Variants in SLC24A2 observed in about 807,000 individuals in gnomAD.
The protein encoded by SLC24A2 is solute carrier family 24 member 2, also known as sodium/potassium/calcium exchanger 2.
In SLC24A2, 36 loss-of-function variants were observed where a neutral mutation model predicts 62.0. The observed-to-expected ratio is 0.58, with a 90% CI of 0.44 to 0.77. The LOEUF is 0.77. SLC24A2 is among the 30% of genes least tolerant of loss of function. The pLI is 0.00. For synonymous variants in SLC24A2, 358 were observed against 294.0 expected, an observed-to-expected ratio of 1.22 and a Z score of -2.23; for missense variants, 846 against 817.9, an observed-to-expected ratio of 1.03 and a Z score of -0.42.
At chr9:19,958,514 G>A in the SLC24A2 span, among the ~76,000 whole-genome samples, 1 of 152,178 alleles carries the variant, frequency 6.6e-6, no homozygotes, top group Non-Finnish European at 1.5e-5. Context: ...CTGTACTCCA[G>A]GCAGGTCTGA....
the SLC24A2 span, among the ~76,000 whole-genome samples, chr9:20,279,919 G>T: frequency 2.0e-5 from 3 of 152,302 alleles, no homozygotes; most frequent in African/African-American, 7.2e-5. Flanking sequence ...TATAAAATTT[G>T]TCAGTAAAAC....
chr9:20,146,039 A>G, the SLC24A2 span, among the ~76,000 whole-genome samples: 3 of 152,020 alleles, frequency 2.0e-5, no homozygotes, highest in African/African-American at 7.2e-5. Flanking sequence ...CAATCCCCCA[A>G]CTGATGAACA....
chr9:20,085,519 C>T, the SLC24A2 span, among the ~76,000 whole-genome samples: 3 of 152,118 alleles, frequency 2.0e-5, no homozygotes, highest in Non-Finnish European at 2.9e-5. Flanking sequence ...ACTATAATAG[C>T]GTTGTTTGAC....
chr9:19,879,553 G>C, the SLC24A2 span, among the ~76,000 whole-genome samples: 9 of 152,112 alleles, frequency 5.9e-5, no homozygotes, highest in Non-Finnish European at 1.2e-4. Context: ...TTACATATCT[G>C]AATAGTAATT....
chr9:19,756,107 G>A (rs913319229), intron 2 of SLC24A2, among the ~76,000 whole-genome samples: 1 of 152,172 alleles, frequency 6.6e-6, no homozygotes, highest in African/African-American at 2.4e-5. Context: ...TGCTTTGAGT[G>A]CCCTGTGTGT....
the SLC24A2 span, among the ~76,000 whole-genome samples, chr9:19,835,283 A>G: frequency 2.6e-5 from 4 of 152,224 alleles, no homozygotes; most frequent in South Asian, 8.3e-4. Context: ...AGACTGGCAA[A>G]TTGGATAAAG....
At chr9:19,642,978 C>T (rs1818545070) in intron 2 of SLC24A2, among the ~76,000 whole-genome samples, 3 of 135,116 alleles carry the variant, frequency 2.2e-5, no homozygotes, top group African/African-American at 8.5e-5. Context: ...CCGTGCCTGG[C>T]CAGTATTCTT....
the SLC24A2 span, among the ~76,000 whole-genome samples, chr9:19,960,629 A>T: frequency 6.6e-6 from 1 of 152,156 alleles, no homozygotes; most frequent in Non-Finnish European, 1.5e-5. Context: ...AAACATACAC[A>T]CCTACTCTAG....
the SLC24A2 span, among the ~76,000 whole-genome samples, chr9:20,262,725 G>T: frequency 6.6e-6 from 1 of 152,158 alleles, no homozygotes; most frequent in South Asian, 2.1e-4. Flanking sequence ...CTGCCATCTG[G>T]CTGCTTCCCC....
chr9:19,852,041 T>C, the SLC24A2 span, among the ~76,000 whole-genome samples: 1 of 152,202 alleles, frequency 6.6e-6, no homozygotes, highest in Non-Finnish European at 1.5e-5. Flanking sequence ...CATAAGATAG[T>C]ATCTCATTGT....
the SLC24A2 span, among the ~76,000 whole-genome samples, chr9:19,830,170 G>C: frequency 6.6e-6 from 1 of 152,056 alleles, no homozygotes; most frequent in African/African-American, 2.4e-5. Flanking sequence ...TTTGAGTAGA[G>C]CCCACTGACA....
At chr9:20,138,060 C>T in the SLC24A2 span, among the ~76,000 whole-genome samples, 63 of 152,234 alleles carry the variant, frequency 4.1e-4, 1 homozygote, top group South Asian at 0.012. Context: ...GGTCATTGCC[C>T]AGGTCCACTA....
chr9:19,612,543 A>G (rs1168829731), intron 4 of SLC24A2, among the ~76,000 whole-genome samples: 4 of 152,126 alleles, frequency 2.6e-5, no homozygotes, highest in African/African-American at 9.7e-5. Context: ...TCTTTCTACA[A>G]ATGAGGAGGT....
At chr9:19,952,582 A>G in the SLC24A2 span, among the ~76,000 whole-genome samples, 2 of 151,646 alleles carry the variant, frequency 1.3e-5, no homozygotes, top group Non-Finnish European at 2.9e-5. Flanking sequence ...CAAGATAATC[A>G]CATATTTTTG....
chr9:20,007,214 C>A, the SLC24A2 span, among the ~76,000 whole-genome samples: 1 of 152,188 alleles, frequency 6.6e-6, no homozygotes. Flanking sequence ...GAAAATCAGA[C>A]TCCCTGCTGC....
intron 2 of SLC24A2, among the ~76,000 whole-genome samples, chr9:19,724,190 C>G (rs1174601486): frequency 6.6e-6 from 1 of 152,072 alleles, no homozygotes; most frequent in Non-Finnish European, 1.5e-5. Flanking sequence ...TGGAAGACTT[C>G]TTTTTTGGAT....
In SLC24A2 at chr9:19,757,945, T is replaced by C. The variant is rs551340701; in HGVS notation, c.930+27992A>G. Among the ~76,000 whole-genome samples the C allele has an allele frequency of 3.3e-5, 5 of 152,256 alleles. 1 individual carries two copies. Among genetic ancestry groups the C allele is most frequent in the African/African-American group, 1.2e-4 (5 of 41,562 alleles). On this transcript the variant is annotated intron_variant, in intron 2 of 10. Coordinates refer to ENST00000341998, the MANE Select transcript of SLC24A2 (RefSeq NM_020344.4). The stretch of plus-strand genomic sequence containing the variant: ...CTCCTTGGGTTTCTCTCTGCACATG[T>C]CCACTTCCCCTTTTACCTTCTTTTT...
the SLC24A2 span, among the ~76,000 whole-genome samples, chr9:20,014,790 A>C: frequency 4.6e-5 from 7 of 152,130 alleles, no homozygotes; most frequent in Admixed American, 2.6e-4. Context: ...TCAGATAGAC[A>C]GAAGGAATAG....
the SLC24A2 span, among the ~76,000 whole-genome samples, chr9:19,913,876 T>C: frequency 6.6e-6 from 1 of 152,060 alleles, no homozygotes; most frequent in Non-Finnish European, 1.5e-5. Flanking sequence ...TAATTCTTTT[T>C]TTTCTTTTTT....
Sources: allele counts gnomAD v4.1 joint callset (sites outside exome capture counted in the v4.1 genomes callset), GRCh38; gene constraint gnomAD v4.1.1; transcripts MANE v1.5; gene names NCBI Gene and HGNC (gene_info 2026-07-23, HGNC 2026-07-21).